Variants in EXOC4 observed in about 807,000 individuals in gnomAD.
EXOC4 encodes exocyst complex component 4, also known as SEC8-like 1.
A neutral mutation model predicts 107.2 loss-of-function variants in EXOC4; 71 were observed. The observed-to-expected ratio is 0.66, with a 90% CI of 0.55 to 0.81. The LOEUF (loss-of-function observed/expected upper bound fraction) is 0.81. Among genes scored for constraint, EXOC4 ranks in the 30% least tolerant of loss-of-function variants. EXOC4 has a pLI of 0.00. For missense variants in EXOC4, 1,108 were observed against 1,189.6 expected, an observed-to-expected ratio of 0.93 and a Z score of 1.01; for synonymous variants, 456 against 441.2, an observed-to-expected ratio of 1.03 and a Z score of -0.42.
chr7:133,926,858 A>G (rs1019571912), intron 13 of EXOC4, among the ~76,000 whole-genome samples: 1 of 152,098 alleles, frequency 6.6e-6, no homozygotes, highest in Non-Finnish European at 1.5e-5. Flanking sequence ...TACTATGACT[A>G]CCTTTTGTGG....
chr7:133,706,379 A>G (rs1794769108), intron 10 of EXOC4, among the ~76,000 whole-genome samples: 1 of 152,246 alleles, frequency 6.6e-6, no homozygotes, highest in African/African-American at 2.4e-5. Context: ...GCACAAACAT[A>G]TTAGTATTTG....
chr7:134,079,505 T>A, the EXOC4 span, among the ~76,000 whole-genome samples: 1 of 152,190 alleles, frequency 6.6e-6, no homozygotes, highest in Non-Finnish European at 1.5e-5. Flanking sequence ...TTACCCCTTT[T>A]ATGCTGATTA....
At chr7:133,589,137 A>G (rs1376074542) in intron 9 of EXOC4, among the ~76,000 whole-genome samples, 2 of 152,144 alleles carry the variant, frequency 1.3e-5, no homozygotes, top group African/African-American at 4.8e-5. Flanking sequence ...TCCCTAAAGA[A>G]CTGAGGGTAC....
chr7:133,797,014 A>G (rs777100850), intron 10 of EXOC4, among the ~76,000 whole-genome samples: 21 of 152,238 alleles, frequency 1.4e-4, no homozygotes, highest in Non-Finnish European at 2.8e-4. Context: ...CCAGAGAAGC[A>G]TACAGCTATA....
chr7:133,381,737 T>A (rs1796623553), intron 7 of EXOC4, among the ~76,000 whole-genome samples: 1 of 152,164 alleles, frequency 6.6e-6, no homozygotes, highest in Admixed American at 6.6e-5. Flanking sequence ...GGATTGATTC[T>A]TAGCTCCATC....
chr7:133,639,177 A>G (rs1225633142), intron 10 of EXOC4, among the ~76,000 whole-genome samples: 1 of 151,172 alleles, frequency 6.6e-6, no homozygotes, highest in African/African-American at 2.5e-5. Context: ...TTAATAACGT[A>G]TATTCCTTTG....
intron 10 of EXOC4, among the ~76,000 whole-genome samples, chr7:133,696,854 T>G (rs573626568): frequency 1.3e-5 from 2 of 152,246 alleles, no homozygotes; most frequent in Non-Finnish European, 2.9e-5. Context: ...ACTATATCTC[T>G]TGTCCCTGGA....
chr7:133,468,857 T>C (rs959354165), intron 7 of EXOC4, among the ~76,000 whole-genome samples: 1 of 152,194 alleles, frequency 6.6e-6, no homozygotes, highest in South Asian at 2.1e-4. Flanking sequence ...ACCAGTTAAA[T>C]GAGAACTGAT....
At chr7:133,484,689 C>G (rs1012045870) in intron 9 of EXOC4, among the ~76,000 whole-genome samples, 1 of 152,096 alleles carries the variant, frequency 6.6e-6, no homozygotes, top group African/African-American at 2.4e-5. Flanking sequence ...AATGTTGTGA[C>G]TATTAACTTA....
chr7:133,754,453 C>G lies in EXOC4; in HGVS notation c.1515-62872C>G, dbSNP rs533613402. 7.9e-5 allele frequency among the ~76,000 whole-genome samples: 12 copies of G among 152,212 alleles called. No individual in the cohort carries two copies. The South Asian group carries it at 2.5e-3, about 32-fold the overall frequency. ...GGAGTTGTTGGTACTTGGGTGCTAGCTGGAACCATGTCAGTAGTGGAACTA... is the reference window on the plus strand; with the variant it reads ...GGAGTTGTTGGTACTTGGGTGCTAGGTGGAACCATGTCAGTAGTGGAACTA... On this transcript the variant is annotated intron_variant, in intron 10 of 17. Coordinates refer to ENST00000253861, the MANE Select transcript of EXOC4 (RefSeq NM_021807.4).
At chr7:133,962,290 T>C (rs547624011) in intron 14 of EXOC4, among the ~76,000 whole-genome samples, 1 of 152,334 alleles carries the variant, frequency 6.6e-6, no homozygotes, top group African/African-American at 2.4e-5. Flanking sequence ...GTGATGCATT[T>C]GCTCTCTCCT....
chr7:133,674,434 AT>A (rs1794012534), intron 10 of EXOC4, among the ~76,000 whole-genome samples: 1 of 152,106 alleles, frequency 6.6e-6, no homozygotes, highest in Admixed American at 6.5e-5. Context: ...CGATAATTAC[AT>A]TGTTTTAAGG....
chr7:134,099,731 C>T, the EXOC4 span, among the ~76,000 whole-genome samples: 4 of 151,504 alleles, frequency 2.6e-5, no homozygotes, highest in South Asian at 4.2e-4. Context: ...GGGGTTTCAC[C>T]GTTTTGCTCT....
the EXOC4 span, among the ~76,000 whole-genome samples, chr7:134,098,787 A>G: frequency 6.6e-6 from 1 of 152,214 alleles, no homozygotes; most frequent in African/African-American, 2.4e-5. Flanking sequence ...TCCAAGAGAG[A>G]TGAGACATGG....
intron 7 of EXOC4, among the ~76,000 whole-genome samples, chr7:133,405,241 AAAAC>A (rs926646799): frequency 6.6e-6 from 1 of 152,180 alleles, no homozygotes; most frequent in Non-Finnish European, 1.5e-5. Context: ...AAATATCAAT[AAAAC>A]AAAATTTGTA....
At chr7:133,488,965 C>A (rs1799320745) in intron 9 of EXOC4, among the ~76,000 whole-genome samples, 2 of 148,626 alleles carry the variant, frequency 1.3e-5, no homozygotes, top group African/African-American at 4.9e-5. Context: ...TAATATAAAT[C>A]TAATATCTTA....
chr7:133,788,861 G>T (rs570687495), intron 10 of EXOC4, among the ~76,000 whole-genome samples: 1 of 151,902 alleles, frequency 6.6e-6, no homozygotes, highest in African/African-American at 2.4e-5. Flanking sequence ...CTACCTTCAG[G>T]CTGTATGGAG....
chr7:133,645,538 A>G (rs1415296354), intron 10 of EXOC4, among the ~76,000 whole-genome samples: 1 of 152,076 alleles, frequency 6.6e-6, no homozygotes, highest in African/African-American at 2.4e-5. Context: ...TTGGCTTTGC[A>G]TAACTAGAAC....
chr7:133,997,783 C>T (rs1011386531), intron 15 of EXOC4, 150 bp downstream of exon 15: 1 of 955,054 alleles, frequency 1.0e-6, no homozygotes, highest in African/African-American at 1.6e-5. Context: ...TAGCTGTATT[C>T]AGTGATTATT....
Sources: allele counts gnomAD v4.1 joint callset (sites outside exome capture counted in the v4.1 genomes callset), GRCh38; gene constraint gnomAD v4.1.1; transcripts MANE v1.5; gene names NCBI Gene and HGNC (gene_info 2026-07-23, HGNC 2026-07-21).